TUBE1: variants seen among roughly 807,000 people sequenced by gnomAD.
The protein encoded by TUBE1 is tubulin epsilon 1, also known as tubulin epsilon chain.
In TUBE1, 34 loss-of-function variants were observed where a neutral mutation model predicts 53.5. That is an observed-to-expected ratio of 0.64 (90% CI 0.48 to 0.85). The LOEUF (loss-of-function observed/expected upper bound fraction) is 0.85. TUBE1 is among the 40% of genes least tolerant of loss of function. The pLI is 0.00. For missense variants in TUBE1, 532 were observed against 570.5 expected (o/e 0.93, Z 0.69); for synonymous variants, 177 against 198.4 (o/e 0.89, Z 0.91).
At chr6:112,071,770 C>T in intron 11 of TUBE1, 132 bp downstream of exon 11, 1 of 997,658 alleles carries the variant, frequency 1.0e-6, no homozygotes, top group Non-Finnish European at 1.4e-6. Flanking sequence ...TAAGCCTCTC[C>T]TCTTCAGTTA....
rs587642779 is a variant in TUBE1, at chr6:112,087,406, T to C, written c.25+4A>G. 3 of 1,550,780 alleles carry C rather than the reference T, an allele frequency of 1.9e-6. No homozygotes were observed. Among genetic ancestry groups the C allele is most frequent in the African/African-American group, 2.7e-5 (2 of 72,892 alleles). ...CAGGTCTCTACCCGCCCGGCGTAGC[T>C]TACCCTGTACGACCACCGACTGGGT... On this transcript the variant is annotated splice_donor_region_variant and intron_variant, in intron 1 of 11. Coordinates refer to ENST00000368662, the MANE Select transcript of TUBE1 (RefSeq NM_016262.5).
At chr6:112,087,384 G>C in intron 1 of TUBE1, 26 bp downstream of exon 1, 1 of 1,551,482 alleles carries the variant, frequency 6.4e-7, no homozygotes, top group Non-Finnish European at 8.7e-7. Context: ...CGGCGACCAG[G>C]TCTCTACCCG....
intron 3 of TUBE1, 68 bp from the exon 4 acceptor site, chr6:112,084,314 A>G: frequency 7.7e-7 from 1 of 1,290,342 alleles, no homozygotes; most frequent in Non-Finnish European, 1.1e-6. Flanking sequence ...CAGGTGATAA[A>G]GTTAACTTCC....
At position 112,070,862 on chromosome 6, in the gene TUBE1, G is replaced by GT. The variant is rs1413722862; in HGVS notation, c.*549dup. On this transcript the variant is annotated 3_prime_UTR_variant, in exon 12 of 12. Transcript: ENST00000368662. ...AAAGTTTAATACAAATACATGTTAA[G>GT]TGTACAAATTAGGATTCTTTTGGGC... is the stretch of plus-strand genomic sequence containing the variant. The GT allele has an allele frequency of 1.3e-5, 2 of 152,106 alleles. No homozygotes were observed. Among genetic ancestry groups the GT allele is most frequent in the Non-Finnish European group, 2.9e-5 (2 of 67,984 alleles). The allele number at this position is 152,106 out of a possible 1,614,324, so 9.4% of individuals were successfully genotyped here. A position where few individuals can be genotyped will look rare whatever the true frequency, so the allele number is the denominator to read the frequency against.
At chr6:112,076,291 T>C (rs1554316052) in intron 7 of TUBE1, 31 bp downstream of exon 7, 1 of 1,528,876 alleles carries the variant, frequency 6.5e-7, no homozygotes, top group Non-Finnish European at 8.8e-7. Flanking sequence ...ATATATAACA[T>C]TTATTCATAA....
chr6:112,087,443 G>A lies in TUBE1; in HGVS notation c.-9C>T, dbSNP rs1554317590. The A allele has an allele frequency of 2.2e-5, 34 of 1,549,822 alleles. No individual in the cohort carries two copies. Among genetic ancestry groups the A allele is most frequent in the Non-Finnish European group, 2.9e-5 (33 of 1,146,012 alleles). The stretch of plus-strand genomic sequence containing the variant: ...ACCACCGACTGGGTCATGGTGGTGC[G>A]CCGCCGGCTCCGGGAGCTTGCTAGC... On this transcript the variant is annotated 5_prime_UTR_variant, in exon 1 of 12. Transcript: ENST00000368662.
intron 6 of TUBE1, among the ~76,000 whole-genome samples, chr6:112,079,038 T>G (rs1777021909): frequency 6.6e-6 from 1 of 152,070 alleles, no homozygotes; most frequent in Admixed American, 6.5e-5. Flanking sequence ...AATACTTCAG[T>G]TCTAAGGTAT....
At chr6:112,083,964 A>G (rs1299949173) in intron 4 of TUBE1, 1 of 504,122 alleles carries the variant, frequency 2.0e-6, no homozygotes, top group Non-Finnish European at 3.6e-6. Flanking sequence ...TTATCTAGAC[A>G]CTATTTCTCC....
chr6:112,087,363 G>T, intron 1 of TUBE1, 47 bp downstream of exon 1: 1 of 1,551,256 alleles, frequency 6.4e-7, no homozygotes, highest in South Asian at 1.2e-5. Context: ...AAACATGGCC[G>T]CTGGATTCCG....
intron 5 of TUBE1, among the ~76,000 whole-genome samples, chr6:112,080,733 T>G (rs1777056648): frequency 6.6e-6 from 1 of 152,068 alleles, no homozygotes; most frequent in Non-Finnish European, 1.5e-5. Flanking sequence ...CTGGCTTGCA[T>G]CTCTACCAAT....
intron 9 of TUBE1, among the ~76,000 whole-genome samples, chr6:112,073,896 C>G (rs1554315675): frequency 6.6e-6 from 1 of 152,174 alleles, no homozygotes; most frequent in Non-Finnish European, 1.5e-5. Context: ...CCACTTCAGT[C>G]TCCAGAGTAG....
Position 112,072,955 on chromosome 6 carries a change from C to T in TUBE1, c.954-57G>A, listed in dbSNP as rs1348108946. The T allele has an allele frequency of 2.6e-6, 4 of 1,560,790 alleles. No individual in the cohort carries two copies. The South Asian group carries it at 3.4e-5, about 13-fold the overall frequency. The stretch of plus-strand genomic sequence containing the variant: ...AAATATTACTTCTTTCTATGTATAA[C>T]TATAAAATGAAGATAGTCCTCTATA... On this transcript the variant is annotated intron_variant, in intron 9 of 11. Coordinates refer to ENST00000368662, the MANE Select transcript of TUBE1 (RefSeq NM_016262.5).
Position 112,076,309 on chromosome 6 carries a change from T to C in TUBE1, c.636+13A>G. On this transcript the variant is annotated intron_variant, in intron 7 of 11. Coordinates refer to ENST00000368662, the MANE Select transcript of TUBE1 (RefSeq NM_016262.5). Reference sequence around the variant, plus strand: ...TATAACATTTATTCATAAGTTCCAATGTCATTTCTTACTTGATTGTCAATG... The same window carrying C: ...TATAACATTTATTCATAAGTTCCAACGTCATTTCTTACTTGATTGTCAATG... 6.4e-7 allele frequency: 1 copy of C among 1,552,304 alleles called. No homozygotes were observed.
rs76573294 is a variant in TUBE1, at chr6:112,079,048, T to C, written c.448+585A>G. 3.1e-3 allele frequency among the ~76,000 whole-genome samples: 470 copies of C among 152,178 alleles called. 1 individual carries two copies. Among genetic ancestry groups the C allele is most frequent in the African/African-American group, 0.011 (440 of 41,568 alleles). On this transcript the variant is annotated intron_variant, in intron 6 of 11. Transcript: ENST00000368662. ...AGCAAAATACTTCAGTTCTAAGGTA[T>C]AGACTTCCCTGGGGGAAGAAAGCAA...
At chr6:112,087,202 G>C (rs116744223) in intron 2 of TUBE1, 31 bp downstream of exon 2, 264 of 1,545,612 alleles carry the variant, frequency 1.7e-4, no homozygotes, top group Non-Finnish European at 2.2e-4. Flanking sequence ...CTAGCTGACA[G>C]GCGAGGGGGC....
intron 4 of TUBE1, among the ~76,000 whole-genome samples, chr6:112,083,035 T>A (rs1282788982): frequency 6.6e-6 from 1 of 152,136 alleles, no homozygotes; most frequent in African/African-American, 2.4e-5. Flanking sequence ...ACTGATACGG[T>A]TGTAGGAAAA....
chr6:112,078,685 T>G (rs1777015596), intron 6 of TUBE1: 2 of 152,046 alleles, frequency 1.3e-5, no homozygotes, highest in South Asian at 4.1e-4. Flanking sequence ...GTAAAGGTAT[T>G]TTTTAAAAAG....
At chr6:112,076,635 A>G in intron 6 of TUBE1, 126 bp from the exon 7 acceptor site, 2 of 745,770 alleles carry the variant, frequency 2.7e-6, no homozygotes, top group Non-Finnish European at 4.1e-6. Context: ...GCAGCAGCAT[A>G]ATCAGCTCAA....
Position 112,087,446 on chromosome 6 carries a change from G to A in TUBE1, c.-12C>T. 3.9e-6 allele frequency: 6 copies of A among 1,549,490 alleles called. No individual in the cohort carries two copies. Among genetic ancestry groups the A allele is most frequent in the Middle Eastern group, 1.7e-4 (1 of 5,906 alleles). ...ACCGACTGGGTCATGGTGGTGCGCC[G>A]CCGGCTCCGGGAGCTTGCTAGCCCG... On this transcript the variant is annotated 5_prime_UTR_variant, in exon 1 of 12. Transcript: ENST00000368662.
Sources: allele counts gnomAD v4.1 joint callset (sites outside exome capture counted in the v4.1 genomes callset), GRCh38; gene constraint gnomAD v4.1.1; transcripts MANE v1.5; gene names NCBI Gene and HGNC (gene_info 2026-07-23, HGNC 2026-07-21).